Variants in DTNB observed in about 807,000 individuals in gnomAD.
DTNB encodes the protein dystrobrevin beta.
Under a neutral mutation model 90.7 loss-of-function variants are expected in DTNB, and 63 were observed. That is an observed-to-expected ratio of 0.69 (90% confidence interval 0.57 to 0.86). The LOEUF is 0.86. Among genes scored for constraint, DTNB ranks in the 40% least tolerant of loss-of-function variants. DTNB has a pLI of 0.00. For missense variants in DTNB, 744 were observed against 807.1 expected, an observed-to-expected ratio of 0.92 and a Z score of 0.95; for synonymous variants, 277 against 286.7, an observed-to-expected ratio of 0.97 and a Z score of 0.34.
chr2:25,661,282 A>G (rs1225105624), intron 1 of DTNB, among the ~76,000 whole-genome samples: 1 of 152,242 alleles, frequency 6.6e-6, no homozygotes, highest in Non-Finnish European at 1.5e-5. Flanking sequence ...GGGAAAAGAG[A>G]TCGGCAATGC....
At chr2:25,633,981 G>A (rs1343946921) in intron 3 of DTNB, among the ~76,000 whole-genome samples, 5 of 149,528 alleles carry the variant, frequency 3.3e-5, no homozygotes, top group South Asian at 4.3e-4. Flanking sequence ...CCCGGCAGCC[G>A]CCCCGTCAGA....
chr2:25,461,351 T>C lies in DTNB; in HGVS notation c.1080-5857A>G, dbSNP rs566327956. 1.6e-4 allele frequency among the ~76,000 whole-genome samples: 24 copies of C among 152,348 alleles called. 1 individual carries two copies. Among genetic ancestry groups the C allele is most frequent in the African/African-American group, 5.8e-4 (24 of 41,588 alleles). ...TTTGTTTGGGGTGTGGGGTGTAATG[T>C]TCTTCCCCCATTCAAAGTTGTACCT... On this transcript the variant is annotated intron_variant, in intron 10 of 20. Transcript: ENST00000406818.
chr2:25,593,298 C>T (rs2063907828), intron 6 of DTNB, among the ~76,000 whole-genome samples: 1 of 152,196 alleles, frequency 6.6e-6, no homozygotes, highest in Non-Finnish European at 1.5e-5. Context: ...TTTGCATCAA[C>T]ATTGTTTTCT....
chr2:25,531,552 C>A lies in DTNB; in HGVS notation c.922G>T (p.Gly308Trp). 6.2e-7 allele frequency: 1 copy of A among 1,613,570 alleles called. No individual in the cohort carries two copies. The highest frequency in any genetic ancestry group is 8.5e-7 in the Non-Finnish European group (1 of 1,179,810). ...KLSHAISKSL[G>W]CVPTREPPHP... is the part of the protein sequence containing the mutation. ...GGGGGTTCTCTCGTGGGTACACACC[C>A]CAAAGATTTACTAATTGCATGGCTC... Residue 308 changes from glycine (G) to tryptophan (W), a missense_variant, in exon 9 of 21, where the codon GGG (glycine) becomes TGG (tryptophan). By Grantham distance (184) the Gly-to-Trp change is radical. Coordinates refer to ENST00000406818, the MANE Select transcript of DTNB (RefSeq NM_021907.5).
intron 8 of DTNB, among the ~76,000 whole-genome samples, chr2:25,565,403 T>A (rs1201757832): frequency 1.3e-5 from 2 of 151,192 alleles, no homozygotes; most frequent in East Asian, 3.9e-4. Flanking sequence ...AGCCCAGCTA[T>A]TTTTTTTTCA....
At chr2:25,507,702 GA>G (rs1443946907) in intron 9 of DTNB, among the ~76,000 whole-genome samples, 1 of 152,152 alleles carries the variant, frequency 6.6e-6, no homozygotes, top group Non-Finnish European at 1.5e-5. Context: ...ACAGCGGCCA[GA>G]AAGAACATCC....
At chr2:25,594,114 T>C (rs1295059223) in intron 6 of DTNB, among the ~76,000 whole-genome samples, 1 of 152,174 alleles carries the variant, frequency 6.6e-6, no homozygotes, top group Non-Finnish European at 1.5e-5. Flanking sequence ...TTCATCATAC[T>C]CATCTTCACT....
chr2:25,609,595 C>CAAA lies in DTNB; in HGVS notation c.363-2277_363-2275dup, dbSNP rs34804799. On this transcript the variant is annotated intron_variant, in intron 4 of 20. Coordinates refer to ENST00000406818, the MANE Select transcript of DTNB (RefSeq NM_021907.5). The stretch of plus-strand genomic sequence containing the variant: ...CTGGGCAACAAGAGCGAAACTCTTT[C>CAAA]AAAAAAAAAAAAAAAACTTGTTATA... Among the ~76,000 whole-genome samples, 733 of 109,182 alleles carry CAAA rather than the reference C, an allele frequency of 6.7e-3. 36 individuals carry two copies. The highest frequency in any genetic ancestry group is 0.02 in the African/African-American group (540 of 27,278). The allele number at this position is 109,182 out of a possible 152,430, so 71.6% of individuals were successfully genotyped here.
Position 25,435,968 on chromosome 2 carries a change from A to G in DTNB, c.1258-1973T>C, listed in dbSNP as rs186518463. Among the ~76,000 whole-genome samples the G allele has an allele frequency of 2.6e-5, 4 of 152,294 alleles. No homozygotes were observed. The East Asian group carries it at 7.7e-4, about 29-fold the overall frequency. ...TTTCATGTGCTTACTGGCCATTTGTATATGTTTTGTGGAGAAATTATGTGA... is the reference window on the plus strand; with the variant it reads ...TTTCATGTGCTTACTGGCCATTTGTGTATGTTTTGTGGAGAAATTATGTGA... On this transcript the variant is annotated intron_variant, in intron 12 of 20. Transcript: ENST00000406818.
chr2:25,665,980 A>G (rs2084347618), intron 1 of DTNB, among the ~76,000 whole-genome samples: 1 of 152,236 alleles, frequency 6.6e-6, no homozygotes, highest in East Asian at 1.9e-4. Context: ...ATTTAGCACA[A>G]TGGCATCCAG....
intron 6 of DTNB, among the ~76,000 whole-genome samples, chr2:25,586,914 C>A (rs2148287401): frequency 6.6e-6 from 1 of 152,182 alleles, no homozygotes; most frequent in East Asian, 1.9e-4. Flanking sequence ...GATAACATTT[C>A]TCACCCATCA....
At chr2:25,438,177 C>T (rs1392374223) in intron 12 of DTNB, among the ~76,000 whole-genome samples, 1 of 152,076 alleles carries the variant, frequency 6.6e-6, no homozygotes, top group Non-Finnish European at 1.5e-5. Context: ...AAGAGCGAGG[C>T]ACGGGGAGAT....
intron 19 of DTNB, among the ~76,000 whole-genome samples, chr2:25,381,376 G>A (rs1573600311): frequency 6.6e-6 from 1 of 152,064 alleles, no homozygotes; most frequent in East Asian, 1.9e-4. Flanking sequence ...GCTCTCTAAT[G>A]TGACCTTTTA....
intron 8 of DTNB, among the ~76,000 whole-genome samples, chr2:25,535,031 C>A (rs537827394): frequency 7.0e-6 from 1 of 143,428 alleles, no homozygotes; most frequent in Admixed American, 6.9e-5. Flanking sequence ...ACCTCCCAGA[C>A]GAAGAGCGGC....
chr2:25,388,558 G>A (rs938271150), intron 16 of DTNB, 197 bp from the exon 17 acceptor site: 21 of 651,690 alleles, frequency 3.2e-5, no homozygotes, highest in Admixed American at 1.3e-4. Flanking sequence ...AAGGGGGCGT[G>A]CAGGGCAGAG....
At chr2:25,444,327 A>C (rs1379572971) in intron 12 of DTNB, among the ~76,000 whole-genome samples, 1 of 151,970 alleles carries the variant, frequency 6.6e-6, no homozygotes, top group Non-Finnish European at 1.5e-5. Flanking sequence ...TCAGGAGTTC[A>C]AGACCAGCCT....
At chr2:25,538,320 G>A (rs745566035) in intron 8 of DTNB, among the ~76,000 whole-genome samples, 1 of 152,150 alleles carries the variant, frequency 6.6e-6, no homozygotes, top group African/African-American at 2.4e-5. Flanking sequence ...TGAGAGGATC[G>A]CTTGAGTCCA....
chr2:25,607,421 C>T, intron 4 of DTNB, 100 bp from the exon 5 acceptor site: 1 of 1,118,166 alleles, frequency 8.9e-7, no homozygotes, highest in Non-Finnish European at 1.2e-6. Context: ...TGATTCCTGA[C>T]CTTGTCTGTT....
At chr2:25,575,309 A>G (rs1378458461) in intron 8 of DTNB, among the ~76,000 whole-genome samples, 1 of 151,974 alleles carries the variant, frequency 6.6e-6, no homozygotes, top group African/African-American at 2.4e-5. Flanking sequence ...ACTTTAAGAA[A>G]GCAAAAAGAA....
Sources: allele counts gnomAD v4.1 joint callset (sites outside exome capture counted in the v4.1 genomes callset), GRCh38; gene constraint gnomAD v4.1.1; transcripts MANE v1.5; gene names NCBI Gene and HGNC (gene_info 2026-07-23, HGNC 2026-07-21).